Variants in CFAP61 observed in about 807,000 individuals in gnomAD.
CFAP61 encodes cilia- and flagella-associated protein 61.
In CFAP61, 107 loss-of-function variants were observed where a neutral mutation model predicts 135.6. The ratio of observed to expected loss-of-function variants is 0.79; its 90% CI spans 0.67 to 0.93. The LOEUF (loss-of-function observed/expected upper bound fraction) is 0.93. Among genes scored for constraint, CFAP61 ranks in the 40% least tolerant of loss-of-function variants. The probability of loss-of-function intolerance (pLI) is 0.00; values close to 1 mark genes in which losing one functional copy is unlikely to be tolerated. For missense variants in CFAP61, 1,507 were observed against 1,556.2 expected (o/e 0.97, Z 0.53); for synonymous variants, 575 against 578.5 (o/e 0.99, Z 0.09).
rs1204652934 is a variant in CFAP61, at chr20:20,090,963, CTGTTGTG to C, written c.690_696del (p.Val231ArgfsTer10). The C allele has an allele frequency of 6.2e-7, 1 of 1,614,084 alleles. No homozygotes were observed. The highest frequency in any genetic ancestry group is 1.3e-5 in the African/African-American group (1 of 75,052). ...GAGGCCCAAGATGAAGAGAATCATG[CTGTTGTG>C]TGTGAGGTCAGTGACTGATTCATGT... is the stretch of plus-strand genomic sequence containing the variant. On this transcript the variant is annotated frameshift_variant, in exon 7 of 27. Coordinates refer to ENST00000245957, the MANE Select transcript of CFAP61 (RefSeq NM_015585.4). LOFTEE classifies it high-confidence loss of function.
At chr20:20,308,024 T>C (rs2056583149) in intron 25 of CFAP61, among the ~76,000 whole-genome samples, 1 of 152,208 alleles carries the variant, frequency 6.6e-6, no homozygotes, top group African/African-American at 2.4e-5. Context: ...AAAAGTTGCT[T>C]TGGAACATTG....
chr20:20,136,344 C>G (rs2050922413), intron 8 of CFAP61, among the ~76,000 whole-genome samples: 1 of 152,090 alleles, frequency 6.6e-6, no homozygotes, highest in Non-Finnish European at 1.5e-5. Context: ...CTTTCTCCAC[C>G]TCTTCTTTAA....
At chr20:20,188,240 C>T (rs2055657001) in intron 14 of CFAP61, among the ~76,000 whole-genome samples, 184 bp downstream of exon 14, 1 of 152,132 alleles carries the variant, frequency 6.6e-6, no homozygotes, top group Admixed American at 6.6e-5. Context: ...GAAGTGAGAC[C>T]ATTCTCAGTG....
intron 25 of CFAP61, among the ~76,000 whole-genome samples, chr20:20,304,441 A>C (rs1040800219): frequency 4.0e-5 from 6 of 151,864 alleles, no homozygotes; most frequent in Non-Finnish European, 1.5e-5. Context: ...ATGTTACTAA[A>C]AATCTTCCTT....
At chr20:20,105,757 G>T (rs1224852662) in intron 8 of CFAP61, among the ~76,000 whole-genome samples, 1 of 150,504 alleles carries the variant, frequency 6.6e-6, no homozygotes, top group Non-Finnish European at 1.5e-5. Context: ...TCAGCCTCCC[G>T]AGTAGCTGGG....
At chr20:20,343,121 TGCTGGGATTACA>T (rs1371501257) in intron 26 of CFAP61, among the ~76,000 whole-genome samples, 4 of 152,320 alleles carry the variant, frequency 2.6e-5, no homozygotes, top group East Asian at 3.9e-4. Context: ...CCTCCCAAAA[TGCTGGGATTACA>T]GGCGTGAGCC....
intron 9 of CFAP61, among the ~76,000 whole-genome samples, chr20:20,145,076 G>A (rs1321384904): frequency 6.6e-6 from 1 of 151,942 alleles, no homozygotes; most frequent in Non-Finnish European, 1.5e-5. Flanking sequence ...ATGGAAATTT[G>A]GCTCTACACA....
chr20:20,195,941 C>T (rs1215527564), intron 15 of CFAP61, among the ~76,000 whole-genome samples: 2 of 151,960 alleles, frequency 1.3e-5, no homozygotes, highest in Admixed American at 6.6e-5. Context: ...ATTAGCCAGG[C>T]GTGATGGTGG....
Position 20,098,638 on chromosome 20 carries a change from T to C in CFAP61, c.700-17T>C, listed in dbSNP as rs749851529. ...AAAAAAAAAAAAAAGAATAATGAGG[T>C]GTTTTGGATATTTCAGGTGGAAGGC... On this transcript the variant is annotated splice_polypyrimidine_tract_variant and intron_variant, in intron 7 of 26. Transcript: ENST00000245957. The C allele has an allele frequency of 4.9e-6, 6 of 1,216,398 alleles. No homozygotes were observed. In the African/African-American group the frequency reaches 1.1e-4, roughly 22 times the overall value. 75.4% of individuals were successfully genotyped at this position (1,216,398 alleles called of 1,614,324 possible). A position where few individuals can be genotyped will look rare whatever the true frequency, so the allele number is the denominator to read the frequency against.
intron 17 of CFAP61, among the ~76,000 whole-genome samples, chr20:20,210,518 C>T (rs1218939872): frequency 2.6e-5 from 4 of 152,158 alleles, no homozygotes; most frequent in Non-Finnish European, 5.9e-5. Flanking sequence ...CTGGCTGTTG[C>T]CTGCAGCATC....
chr20:20,133,494 C>T (rs1390501767), intron 8 of CFAP61, among the ~76,000 whole-genome samples: 1 of 152,164 alleles, frequency 6.6e-6, no homozygotes, highest in Admixed American at 6.6e-5. Flanking sequence ...ACACATGCCA[C>T]TTGTCCAAGC....
intron 1 of CFAP61, among the ~76,000 whole-genome samples, chr20:20,055,021 A>G (rs955016558): frequency 2.0e-5 from 3 of 151,994 alleles, no homozygotes; most frequent in Admixed American, 6.6e-5. Context: ...TTCTGTTTCT[A>G]TGTGCTTCTT....
At chr20:20,054,013 G>GTTTTTTTTTTT (rs1239349657) in intron 1 of CFAP61, among the ~76,000 whole-genome samples, 5 of 59,102 alleles carry the variant, frequency 8.5e-5, no homozygotes, top group Non-Finnish European at 1.1e-4. Flanking sequence ...TTTTTTGTTT[G>GTTTTTTTTTTT]TTTTTTTTTT....
chr20:20,329,537 G>A (rs2057899923), intron 25 of CFAP61, among the ~76,000 whole-genome samples: 1 of 152,224 alleles, frequency 6.6e-6, no homozygotes, highest in Non-Finnish European at 1.5e-5. Context: ...ACCCTGTCCA[G>A]TGTAGCCTCA....
intron 25 of CFAP61, among the ~76,000 whole-genome samples, chr20:20,320,887 G>A (rs1375707120): frequency 6.6e-6 from 1 of 151,648 alleles, no homozygotes; most frequent in Non-Finnish European, 1.5e-5. Context: ...AAGAGGAGAG[G>A]AGGGAGGGGT....
chr20:20,277,648 C>G (rs1182237588), intron 22 of CFAP61, among the ~76,000 whole-genome samples, 190 bp downstream of exon 22: 2 of 152,210 alleles, frequency 1.3e-5, no homozygotes, highest in African/African-American at 4.8e-5. Flanking sequence ...GCAACAACAA[C>G]CGTTTATTAT....
At chr20:20,280,333 C>T (rs1401861833) in intron 22 of CFAP61, among the ~76,000 whole-genome samples, 6 of 152,152 alleles carry the variant, frequency 3.9e-5, no homozygotes, top group Non-Finnish European at 8.8e-5. Context: ...AAGCCTTCTT[C>T]CCTAGAGCCT....
chr20:20,137,939 G>C (rs1469731963), intron 8 of CFAP61, among the ~76,000 whole-genome samples: 1 of 152,126 alleles, frequency 6.6e-6, no homozygotes. Flanking sequence ...TGATTATTCA[G>C]GGCCCAGGGG....
chr20:20,127,663 CTG>C (rs1440943153), intron 8 of CFAP61, among the ~76,000 whole-genome samples: 2 of 151,578 alleles, frequency 1.3e-5, no homozygotes, highest in African/African-American at 4.9e-5. Context: ...GAAATGGACT[CTG>C]TGAGAGTTTT....
Sources: allele counts gnomAD v4.1 joint callset (sites outside exome capture counted in the v4.1 genomes callset), GRCh38; gene constraint gnomAD v4.1.1; transcripts MANE v1.5; gene names NCBI Gene and HGNC (gene_info 2026-07-23, HGNC 2026-07-21).